PKIG: variants seen among roughly 807,000 people sequenced by gnomAD.
PKIG encodes protein kinase (cAMP-dependent, catalytic) inhibitor gamma.
A neutral mutation model predicts 6.8 loss-of-function variants in PKIG; 1 was observed. The ratio of observed to expected loss-of-function variants is 0.15; its 90% CI spans 0.05 to 0.69. PKIG has a LOEUF of 0.69. Ranked by LOEUF, PKIG falls within the 30% of genes least tolerant of loss-of-function variation. The probability of loss-of-function intolerance (pLI) is 0.82; values close to 1 mark genes in which losing one functional copy is unlikely to be tolerated. For synonymous variants in PKIG, 39 were observed against 43.0 expected (o/e 0.91, Z 0.36); for missense variants, 77 against 104.0 (o/e 0.74, Z 1.13).
In PKIG at chr20:44,614,284, G is replaced by T. The variant is rs1291175679; in HGVS notation, c.-23-250G>T. ...ATGGTATTAATAAATGTGTGTACAT[G>T]TTTGTCAATAATTTTATTTAAAGAA... On this transcript the variant is annotated intron_variant, in intron 2 of 3. Transcript: ENST00000372886. The surrounding 1 kb of genome is among the most constrained non-coding windows in gnomAD (Gnocchi z 4.6). The T allele has an allele frequency of 2.6e-6, 1 of 388,632 alleles. No homozygotes were observed. The highest frequency in any genetic ancestry group is 4.7e-6 in the Non-Finnish European group (1 of 212,518). The allele number at this position is 388,632 out of a possible 1,614,324, so 24.1% of individuals were successfully genotyped here. A position where few individuals can be genotyped will look rare whatever the true frequency, so the allele number is the denominator to read the frequency against.
At chr20:44,595,799 A>G in intron 2 of PKIG, among the ~76,000 whole-genome samples, 1 of 152,028 alleles carries the variant, frequency 6.6e-6, no homozygotes, top group East Asian at 1.9e-4. Context: ...GGTGTGAACC[A>G]CTGCGCCTGG....
chr20:44,617,130 A>G (rs867287657), intron 3 of PKIG, among the ~76,000 whole-genome samples: 1 of 152,150 alleles, frequency 6.6e-6, no homozygotes, highest in Non-Finnish European at 1.5e-5. Context: ...TACTGTGTGC[A>G]TTGCACGAGA....
chr20:44,546,474 C>A (rs1319526135), intron 1 of PKIG, among the ~76,000 whole-genome samples: 2 of 151,872 alleles, frequency 1.3e-5, no homozygotes, highest in African/African-American at 4.8e-5. Context: ...TATCACCAGG[C>A]CTTATTGTTG....
intron 2 of PKIG, among the ~76,000 whole-genome samples, chr20:44,595,104 T>A (rs1407309509): frequency 1.3e-5 from 2 of 152,138 alleles, no homozygotes; most frequent in African/African-American, 4.8e-5. Flanking sequence ...AGAGTTGAGG[T>A]CCAGAGCCTC....
chr20:44,600,675 G>A (rs1350375031), intron 2 of PKIG, among the ~76,000 whole-genome samples: 3 of 151,652 alleles, frequency 2.0e-5, no homozygotes, highest in Non-Finnish European at 2.9e-5. Flanking sequence ...GTAAGACCCT[G>A]TCTCTACAAA....
At chr20:44,536,583 C>T (rs1195743098) in intron 1 of PKIG, among the ~76,000 whole-genome samples, 1 of 152,096 alleles carries the variant, frequency 6.6e-6, no homozygotes, top group Non-Finnish European at 1.5e-5. Flanking sequence ...GGCATCAGTC[C>T]TGGTGGGGCT....
At chr20:44,618,210 G>A in intron 3 of PKIG, 75 bp from the exon 4 acceptor site, 2 of 938,080 alleles carry the variant, frequency 2.1e-6, no homozygotes, top group Admixed American at 1.7e-5. Flanking sequence ...AGTTTGGCTG[G>A]GCCCTTTCAC....
intron 1 of PKIG, among the ~76,000 whole-genome samples, chr20:44,588,663 C>G (rs138651920): frequency 5.9e-5 from 9 of 151,848 alleles, no homozygotes; most frequent in Middle Eastern, 3.4e-3. Flanking sequence ...GAAATGGAGT[C>G]ACTTATACCA....
At chr20:44,537,027 T>A (rs2064518392) in intron 1 of PKIG, among the ~76,000 whole-genome samples, 1 of 152,194 alleles carries the variant, frequency 6.6e-6, no homozygotes, top group African/African-American at 2.4e-5. Flanking sequence ...CCTCCCAGGT[T>A]CAAGCAATTC....
At chr20:44,593,086 C>T (rs2065046388) in intron 2 of PKIG, among the ~76,000 whole-genome samples, 2 of 151,928 alleles carry the variant, frequency 1.3e-5, no homozygotes, top group Admixed American at 1.3e-4. Flanking sequence ...ACCTGTAATT[C>T]CAGCACTTTG....
intron 1 of PKIG, among the ~76,000 whole-genome samples, chr20:44,552,974 T>C (rs1011201229): frequency 6.6e-6 from 1 of 152,158 alleles, no homozygotes; most frequent in Non-Finnish European, 1.5e-5. Context: ...GAACCACTTA[T>C]ATAATGTATA....
At chr20:44,617,873 C>T (rs1186086911) in intron 3 of PKIG, among the ~76,000 whole-genome samples, 14 of 151,542 alleles carry the variant, frequency 9.2e-5, no homozygotes, top group African/African-American at 2.9e-4. Context: ...GGTGAAACCC[C>T]GTCTCTACTA....
intron 1 of PKIG, among the ~76,000 whole-genome samples, chr20:44,536,928 T>G (rs901892714): frequency 1.3e-5 from 2 of 152,112 alleles, no homozygotes; most frequent in African/African-American, 4.8e-5. Context: ...TTGTTTTTTG[T>G]TTTTTTGTGT....
At chr20:44,531,940 G>C (rs189046516) in exon 1 of PKIG, 1 of 152,296 alleles carries the variant, frequency 6.6e-6, no homozygotes, top group Admixed American at 6.5e-5. Context: ...AGGCGCTGCG[G>C]ACCGGCGGCC....
chr20:44,540,302 A>T (rs941947749), intron 1 of PKIG, among the ~76,000 whole-genome samples: 13 of 152,156 alleles, frequency 8.5e-5, no homozygotes, highest in African/African-American at 2.9e-4. Flanking sequence ...TGCTATAGCA[A>T]GTTTCCCAGT....
chr20:44,617,368 C>T (rs2065274893), intron 3 of PKIG, among the ~76,000 whole-genome samples: 1 of 152,122 alleles, frequency 6.6e-6, no homozygotes. Flanking sequence ...CCACGTGGTG[C>T]ACCTTATGAA....
chr20:44,609,177 C>T (rs1295656843), intron 2 of PKIG, among the ~76,000 whole-genome samples: 1 of 152,134 alleles, frequency 6.6e-6, no homozygotes, highest in Non-Finnish European at 1.5e-5. Flanking sequence ...AATTGCTGTT[C>T]CCTGAGGGGA....
intron 2 of PKIG, among the ~76,000 whole-genome samples, chr20:44,595,007 C>T (rs1375984659): frequency 6.6e-6 from 1 of 152,194 alleles, no homozygotes; most frequent in Non-Finnish European, 1.5e-5. Context: ...CAGATGTTTG[C>T]AGTGACTAGG....
chr20:44,565,856 G>A (rs974762832), intron 1 of PKIG, among the ~76,000 whole-genome samples: 40 of 152,236 alleles, frequency 2.6e-4, no homozygotes, highest in South Asian at 2.1e-4. Context: ...TCCGCCTCCC[G>A]GGTTCAAGCA....
Sources: gnomAD v4.1 joint callset for allele counts (sites outside exome capture counted in the v4.1 genomes callset) on GRCh38, gnomAD v4.1.1 for gene constraint, Gnocchi (gnomAD v3.1) non-coding constraint, MANE v1.5 for transcripts, NCBI Gene and HGNC (gene_info 2026-07-23, HGNC 2026-07-21) for gene names.